The following ATP13A4 variants were observed in gnomAD, a reference collection of about 807,000 sequenced individuals.
The protein encoded by ATP13A4 is ATPase 13A4.
Under a neutral mutation model 142.5 loss-of-function variants are expected in ATP13A4, and 114 were observed. The ratio of observed to expected loss-of-function variants is 0.80; its 90% CI spans 0.69 to 0.93. ATP13A4 has a LOEUF of 0.93. ATP13A4 is among the 40% of genes least tolerant of loss of function. ATP13A4 has a pLI of 0.00. For synonymous variants in ATP13A4, 488 were observed against 514.8 expected (o/e 0.95, Z 0.70); for missense variants, 1,392 against 1,454.0 (o/e 0.96, Z 0.69).
intron 2 of ATP13A4, among the ~76,000 whole-genome samples, chr3:193,504,020 TGAGA>T (rs1553851730): frequency 7.6e-5 from 11 of 144,262 alleles, no homozygotes; most frequent in Non-Finnish European, 1.1e-4. Flanking sequence ...TGTGTGTGTG[TGAGA>T]GAGAGAGAGA....
chr3:193,462,222 CAAAAAAAA>C (rs57279285), intron 13 of ATP13A4, among the ~76,000 whole-genome samples: 5 of 109,816 alleles, frequency 4.6e-5, no homozygotes, highest in Non-Finnish European at 5.7e-5. Context: ...AACTCCGTCT[CAAAAAAAA>C]AAAAAAAAGA....
At position 193,468,111 on chromosome 3, in the gene ATP13A4, A is replaced by G. The variant is rs572108257; in HGVS notation, c.944-625T>C. ...GGAGACTCGCTTGAACCCAGGAGGC[A>G]GAGGTTGTGGTGAGCCAAGATTGTG... On this transcript the variant is annotated intron_variant, in intron 9 of 29. Coordinates refer to ENST00000342695, the MANE Select transcript of ATP13A4 (RefSeq NM_032279.4). Among the ~76,000 whole-genome samples, 1,233 of 152,198 alleles carry G rather than the reference A, an allele frequency of 8.1e-3. 11 individuals carry two copies. Among genetic ancestry groups the G allele is most frequent in the African/African-American group, 0.028 (1,166 of 41,542 alleles).
chr3:193,421,385 C>T (rs1434642402), intron 25 of ATP13A4, among the ~76,000 whole-genome samples: 1 of 149,440 alleles, frequency 6.7e-6, no homozygotes, highest in Non-Finnish European at 1.5e-5. Context: ...AATTCATCAC[C>T]ACTAGATTTT....
intron 8 of ATP13A4, 114 bp downstream of exon 8, chr3:193,483,821 GC>G: frequency 1.0e-6 from 1 of 973,492 alleles, no homozygotes; most frequent in Non-Finnish European, 1.6e-6. Context: ...TTGAACAAAT[GC>G]CTAAGGAGAA....
intron 1 of ATP13A4, among the ~76,000 whole-genome samples, chr3:193,544,925 G>A (rs1036210550): frequency 6.6e-6 from 1 of 152,090 alleles, no homozygotes; most frequent in Non-Finnish European, 1.5e-5. Context: ...CCAGATTTGG[G>A]TATATTATAT....
chr3:193,446,997 A>G (rs1167492409), intron 18 of ATP13A4, among the ~76,000 whole-genome samples: 6 of 152,232 alleles, frequency 3.9e-5, no homozygotes, highest in African/African-American at 1.4e-4. Flanking sequence ...AGCATATGTA[A>G]GAAATCTAAG....
intron 1 of ATP13A4, among the ~76,000 whole-genome samples, chr3:193,527,849 T>G (rs1031423527): frequency 6.6e-6 from 1 of 152,150 alleles, no homozygotes; most frequent in African/African-American, 2.4e-5. Context: ...TGTTTGTCCA[T>G]CTGTAACAGA....
At chr3:193,418,600 G>A (rs1043394150) in intron 25 of ATP13A4, among the ~76,000 whole-genome samples, 1 of 149,386 alleles carries the variant, frequency 6.7e-6, no homozygotes, top group Non-Finnish European at 1.5e-5. Flanking sequence ...AGAACCAAGA[G>A]GATGTCTCCT....
At chr3:193,448,092 C>T in intron 18 of ATP13A4, 114 bp downstream of exon 18, 1 of 1,430,004 alleles carries the variant, frequency 7.0e-7, no homozygotes, top group Non-Finnish European at 9.6e-7. Context: ...ATCTCCAGCA[C>T]CTGGAATGAT....
In ATP13A4 at chr3:193,438,470, C is replaced by T. The variant is rs1355472538; in HGVS notation, c.2672+5G>A. The T allele has an allele frequency of 6.2e-7, 1 of 1,600,358 alleles. No homozygotes were observed. The highest frequency in any genetic ancestry group is 8.6e-7 in the Non-Finnish European group (1 of 1,167,626). ...AAAACAATGTTTGAGGAAGTGCCTA[C>T]TTACTTGATAAGGTGAGGTACGCAC... On this transcript the variant is annotated splice_donor_5th_base_variant and intron_variant, in intron 23 of 29. Transcript: ENST00000342695.
chr3:193,588,218 G>A (rs1724702039), intron 1 of ATP13A4, among the ~76,000 whole-genome samples: 1 of 152,146 alleles, frequency 6.6e-6, no homozygotes, highest in African/African-American at 2.4e-5. Context: ...GTTTCACAAA[G>A]GTTAATGTGA....
intron 21 of ATP13A4, among the ~76,000 whole-genome samples, chr3:193,439,329 C>A (rs190504168): frequency 6.6e-6 from 1 of 152,130 alleles, no homozygotes; most frequent in East Asian, 1.9e-4. Context: ...AGCTGTAAGA[C>A]AGAGGTGCTC....
intron 8 of ATP13A4, among the ~76,000 whole-genome samples, chr3:193,479,082 A>G (rs1393657117): frequency 6.6e-6 from 1 of 152,192 alleles, no homozygotes; most frequent in Non-Finnish European, 1.5e-5. Flanking sequence ...TTATTATTAA[A>G]ACCCTCAGCA....
At chr3:193,477,789 G>A (rs1394282529) in intron 8 of ATP13A4, among the ~76,000 whole-genome samples, 1 of 152,022 alleles carries the variant, frequency 6.6e-6, no homozygotes, top group East Asian at 1.9e-4. Flanking sequence ...CAGAGTGCTG[G>A]GGAGGTAACT....
intron 1 of ATP13A4, among the ~76,000 whole-genome samples, chr3:193,584,677 C>T (rs1724635067): frequency 6.6e-6 from 1 of 151,674 alleles, no homozygotes; most frequent in African/African-American, 2.4e-5. Context: ...TCAATACATG[C>T]AAAGTGAACA....
At chr3:193,440,356 A>G (rs1716555542) in intron 21 of ATP13A4, 1 of 1,013,832 alleles carries the variant, frequency 9.9e-7, no homozygotes, top group Non-Finnish European at 1.4e-6. Context: ...TAAGCCCCAT[A>G]TAAACAACTG....
In ATP13A4 at chr3:193,467,395, A is replaced by C. The variant is rs1420533862; in HGVS notation, c.1035T>G (p.His345Gln). Reference sequence around the variant, plus strand: ...TAACCTCTGTTCCACAGAAGAGGACATGCCGCTTGTAATCCGCTTCACTCT... The same window carrying C: ...TAACCTCTGTTCCACAGAAGAGGACCTGCCGCTTGTAATCCGCTTCACTCT... ...KTQSEADYKR[H>Q]VLFCGTEVIQ... Residue 345 changes from histidine (H) to glutamine (Q), a missense_variant, in exon 10 of 30, where the codon CAT becomes CAG. Transcript: ENST00000342695. 2 of 1,614,124 alleles carry C rather than the reference A, an allele frequency of 1.2e-6. No individual in the cohort carries two copies. The highest frequency in any genetic ancestry group is 2.2e-5 in the East Asian group (1 of 44,882).
At chr3:193,550,056 C>T (rs1003458771) in intron 1 of ATP13A4, among the ~76,000 whole-genome samples, 5 of 152,164 alleles carry the variant, frequency 3.3e-5, no homozygotes, top group Admixed American at 1.3e-4. Flanking sequence ...GGCCTTCAGG[C>T]GGGGCAGGGT....
intron 1 of ATP13A4, among the ~76,000 whole-genome samples, chr3:193,526,176 T>C (rs1376730175): frequency 6.6e-6 from 1 of 152,208 alleles, no homozygotes; most frequent in African/African-American, 2.4e-5. Flanking sequence ...AAATATTTGC[T>C]ATTGTAAATA....
Sources: allele counts gnomAD v4.1 joint callset (sites outside exome capture counted in the v4.1 genomes callset), GRCh38; gene constraint gnomAD v4.1.1; transcripts MANE v1.5; gene names NCBI Gene and HGNC (gene_info 2026-07-23, HGNC 2026-07-21).